DICER1: variants seen among roughly 807,000 people sequenced by gnomAD.
DICER1 encodes endoribonuclease Dicer.
A neutral mutation model predicts 194.1 loss-of-function variants in DICER1; 43 were observed. The ratio of observed to expected loss-of-function variants is 0.22; its 90% CI spans 0.17 to 0.29. DICER1 has a LOEUF of 0.29. Among genes scored for constraint, DICER1 ranks in the 10% least tolerant of loss-of-function variants. The pLI, the probability that DICER1 is intolerant of heterozygous loss-of-function variation, is 1.00. For synonymous variants in DICER1, 832 were observed against 820.5 expected, an observed-to-expected ratio of 1.01 and a Z score of -0.24; for missense variants, 1,608 against 2,317.0, an observed-to-expected ratio of 0.69 and a Z score of 6.28.
chr14:95,111,392 A>G lies in DICER1; in HGVS notation c.2181T>C (p.Asp727=), dbSNP rs1306572410. 6.2e-6 allele frequency: 10 copies of G among 1,614,036 alleles called. No homozygotes were observed. Among genetic ancestry groups the G allele is most frequent in the Non-Finnish European group, 8.5e-6 (10 of 1,180,012 alleles). ...CACTGGTCTCTTCTTCATCATGCAA[A>G]TCAAGCTCCTCTTCATATTTAACAG... The part of the protein sequence containing the change: ...KETVKYEEEL[D]LHDEEETSVP... Residue 727 remains aspartate, a synonymous_variant, in exon 14 of 27, where the codon GAT becomes GAC. Coordinates refer to ENST00000343455, the MANE Select transcript of DICER1 (RefSeq NM_177438.3).
Position 95,103,900 on chromosome 14 carries a change from C to G in DICER1, c.3496G>C (p.Val1166Leu), listed in dbSNP as rs368588781. The change falls in exon 21 of 27, where the codon GTT (valine) becomes CTT (leucine). Residue 1166 changes from valine (V) to leucine (L), a missense_variant. By Grantham distance (32) the Val-to-Leu change is conservative. Transcript: ENST00000343455. ...GCTGTAAGATCTGCTGAAACTTCAA[C>G]GTGGAGCTTACCAGGGGACTCGCTG... ...LLSESPGKLH[V>L]EVSADLTAIN... The G allele has an allele frequency of 3.1e-6, 5 of 1,614,158 alleles. No individual in the cohort carries two copies. The highest frequency in any genetic ancestry group is 4.2e-6 in the Non-Finnish European group (5 of 1,180,020).
At chr14:95,101,321 G>A (rs920835031) in intron 21 of DICER1, among the ~76,000 whole-genome samples, 1 of 152,180 alleles carries the variant, frequency 6.6e-6, no homozygotes, top group Non-Finnish European at 1.5e-5. Context: ...ATAAGGAGTA[G>A]AAGGTTTCTG....
intron 1 of DICER1, chr14:95,137,864 T>C (rs999849162): frequency 6.5e-6 from 1 of 154,586 alleles, no homozygotes; most frequent in South Asian, 2.0e-4. Context: ...CGGAAACAAA[T>C]TGAGGAAAAA....
chr14:95,119,943 T>C (rs1892797235), intron 8 of DICER1, among the ~76,000 whole-genome samples: 1 of 152,224 alleles, frequency 6.6e-6, no homozygotes, highest in Admixed American at 6.5e-5. Context: ...TAGCCTATAC[T>C]TTGTGTGTAT....
intron 17 of DICER1, among the ~76,000 whole-genome samples, chr14:95,107,015 G>A (rs941481814): frequency 2.0e-5 from 3 of 151,990 alleles, no homozygotes; most frequent in Non-Finnish European, 4.4e-5. Flanking sequence ...TGGAGAGAAC[G>A]GGTCGACCTT....
At chr14:95,119,659 T>G (rs1035128080) in intron 8 of DICER1, among the ~76,000 whole-genome samples, 1 of 152,262 alleles carries the variant, frequency 6.6e-6, no homozygotes, top group African/African-American at 2.4e-5. Flanking sequence ...CAGCAAAGTA[T>G]ACTGTTCCCT....
At position 95,124,566 on chromosome 14, in the gene DICER1, C is replaced by T. The variant is rs2140207003; in HGVS notation, c.1006G>A (p.Glu336Lys). 1 of 1,613,826 alleles carries T rather than the reference C, an allele frequency of 6.2e-7. No homozygotes were observed. Among genetic ancestry groups the T allele is most frequent in the Non-Finnish European group, 8.5e-7 (1 of 1,180,018 alleles). Residue 336 changes from glutamate (E) to lysine (K), a missense_variant, in exon 8 of 27, where the codon GAG becomes AAG. Glu to Lys is a moderately conservative substitution (Grantham distance 56). This residue lies in a region of DICER1 where 657 missense variants were observed against 910.1 expected (regional missense o/e 0.72). Coordinates refer to ENST00000343455, the MANE Select transcript of DICER1 (RefSeq NM_177438.3). This position sits in a 1 kb window ranked among gnomAD's most constrained non-coding sequence, Gnocchi z 4.5. ...AATTTCCTGTGCAGCTCCTCTTGCT[C>T]ATGTTTGATGTATTTCTGTAGTTCT... ...VRELQKYIKH[E>K]QEELHRKFLL...
At chr14:95,098,064 G>A (rs1365316667) in intron 22 of DICER1, among the ~76,000 whole-genome samples, 1 of 151,884 alleles carries the variant, frequency 6.6e-6, no homozygotes, top group Non-Finnish European at 1.5e-5. Flanking sequence ...TCTTTAGAAA[G>A]GTGCCACCAT....
chr14:95,117,864 T>A, intron 8 of DICER1, 110 bp from the exon 9 acceptor site: 2 of 1,003,670 alleles, frequency 2.0e-6, no homozygotes, highest in Non-Finnish European at 3.0e-6. Context: ...CAAACATACC[T>A]AACAAAACGG....
intron 1 of DICER1, among the ~76,000 whole-genome samples, chr14:95,154,830 A>G (rs1430138217): frequency 6.7e-6 from 1 of 150,308 alleles, no homozygotes; most frequent in East Asian, 2.0e-4. Context: ...TACACTTAAA[A>G]TGGTTCAACG....
chr14:95,120,685 C>T (rs1057125118), intron 8 of DICER1, among the ~76,000 whole-genome samples: 2 of 152,060 alleles, frequency 1.3e-5, no homozygotes, highest in African/African-American at 2.4e-5. Flanking sequence ...ATTTGAGCAA[C>T]AAATAAATAA....
chr14:95,091,483 T>C lies in DICER1; in HGVS notation c.5365-118A>G, dbSNP rs1595316024. 3 of 925,056 alleles carry C rather than the reference T, an allele frequency of 3.2e-6. No homozygotes were observed. The South Asian group carries it at 3.9e-5, about 12-fold the overall frequency. The allele number at this position is 925,056 out of a possible 1,614,324, so 57.3% of individuals were successfully genotyped here. A position where few individuals can be genotyped will look rare whatever the true frequency, so the allele number is the denominator to read the frequency against. Reference sequence around the variant, plus strand: ...GTTACTTCTTTAGTAAGGGGGGAAATACCATTTATGGTATGCCTACTATAT... The same window carrying C: ...GTTACTTCTTTAGTAAGGGGGGAAACACCATTTATGGTATGCCTACTATAT... On this transcript the variant is annotated intron_variant, in intron 24 of 26. Transcript: ENST00000343455.
intron 3 of DICER1, 39 bp from the exon 4 acceptor site, chr14:95,131,678 T>C (rs1349161437): frequency 2.5e-6 from 4 of 1,602,930 alleles, no homozygotes; most frequent in Non-Finnish European, 3.4e-6. Flanking sequence ...ATATGAGAAA[T>C]CTTGCCTAGT....
intron 8 of DICER1, among the ~76,000 whole-genome samples, chr14:95,122,360 T>A (rs984974539): frequency 2.3e-4 from 35 of 152,156 alleles, no homozygotes; most frequent in African/African-American, 8.0e-4. Flanking sequence ...CCTTATATAA[T>A]CCTAAATGGA....
chr14:95,122,034 A>G (rs1160471877), intron 8 of DICER1, among the ~76,000 whole-genome samples: 1 of 152,224 alleles, frequency 6.6e-6, no homozygotes, highest in East Asian at 1.9e-4. Flanking sequence ...AGTTTTTCTA[A>G]GCTTATTAAA....
chr14:95,125,047 G>A (rs1392032327), intron 7 of DICER1, among the ~76,000 whole-genome samples: 1 of 152,148 alleles, frequency 6.6e-6, no homozygotes, highest in African/African-American at 2.4e-5. Context: ...GAGCAATACA[G>A]TTTTCCTTGA....
rs2140126151 is a variant in DICER1, at chr14:95,116,654, A to G, written c.1551T>C (p.Ile517=). Residue 517 remains isoleucine, a synonymous_variant, in exon 10 of 27, where the codon ATT becomes ATC. Coordinates refer to ENST00000343455, the MANE Select transcript of DICER1 (RefSeq NM_177438.3). ...KFRAHETNLL[I]ATSIVEEGVD... is the part of the protein sequence containing the mutation. Reference sequence around the variant, plus strand: ...CACCCTCTTCTACAATACTTGTTGCAATAAGCAGGTTGGTCTCATGTGCTC... The same window carrying G: ...CACCCTCTTCTACAATACTTGTTGCGATAAGCAGGTTGGTCTCATGTGCTC... 6.2e-7 allele frequency: 1 copy of G among 1,614,058 alleles called. No individual in the cohort carries two copies. Among genetic ancestry groups the G allele is most frequent in the Non-Finnish European group, 8.5e-7 (1 of 1,179,948 alleles).
In DICER1 at chr14:95,126,096, A is replaced by G. The variant is rs150154449; in HGVS notation, c.903+484T>C. On this transcript the variant is annotated intron_variant, in intron 7 of 26. Transcript: ENST00000343455. Reference sequence around the variant, plus strand: ...TTCAAAACTGAAGACTGCAAACAGTAAAATTCAGTCCTGAGGACCCCACCC... The same window carrying G: ...TTCAAAACTGAAGACTGCAAACAGTGAAATTCAGTCCTGAGGACCCCACCC... 2.6e-3 allele frequency among the ~76,000 whole-genome samples: 389 copies of G among 152,250 alleles called. 3 individuals are homozygous for G. The highest frequency in any genetic ancestry group is 9.0e-3 in the African/African-American group (373 of 41,526).
intron 17 of DICER1, 104 bp from the exon 18 acceptor site, chr14:95,106,327 A>C (rs1288755070): frequency 4.6e-6 from 4 of 878,976 alleles, no homozygotes; most frequent in Non-Finnish European, 7.2e-6. Context: ...AAGAATTCAA[A>C]AGATTAAAAA....
Sources: gnomAD v4.1 joint callset for allele counts (sites outside exome capture counted in the v4.1 genomes callset) on GRCh38, gnomAD v4.1.1 for gene constraint, gnomAD v4.1.1 regional missense constraint, Gnocchi (gnomAD v3.1) non-coding constraint, MANE v1.5 for transcripts, NCBI Gene and HGNC (gene_info 2026-07-23, HGNC 2026-07-21) for gene names.